Variants in CUX2 observed in about 807,000 individuals in gnomAD.
The protein encoded by CUX2 is cut like homeobox 2.
In CUX2, 40 loss-of-function variants were observed where a neutral mutation model predicts 144.8. The ratio of observed to expected loss-of-function variants is 0.28; its 90% CI spans 0.21 to 0.36. The LOEUF (loss-of-function observed/expected upper bound fraction) is 0.36, where lower values mean the gene tolerates loss of function less well. Among genes scored for constraint, CUX2 ranks in the 10% least tolerant of loss-of-function variants. The pLI, the probability that CUX2 is intolerant of heterozygous loss-of-function variation, is 1.00. For synonymous variants in CUX2, 827 were observed against 875.6 expected (o/e 0.94, Z 0.98); for missense variants, 1,615 against 1,994.0 (o/e 0.81, Z 3.62).
In CUX2 at chr12:111,304,042, G is replaced by A; in HGVS notation, c.754-168G>A. The A allele has an allele frequency of 1.7e-6, 1 of 583,158 alleles. No homozygotes were observed. The allele number at this position is 583,158 out of a possible 1,614,324, so 36.1% of individuals were successfully genotyped here. On this transcript the variant is annotated intron_variant, in intron 9 of 21. Transcript: ENST00000261726. This position sits in a 1 kb window ranked among gnomAD's most constrained non-coding sequence, Gnocchi z 4.7. Reference sequence around the variant, plus strand: ...TATTTCTTGTCCCCAGCCCAGACAGGGCTCTGTGACTGGTCTTCATAGCTC... The same window carrying A: ...TATTTCTTGTCCCCAGCCCAGACAGAGCTCTGTGACTGGTCTTCATAGCTC...
chr12:111,218,811 A>G (rs966340957), intron 3 of CUX2, among the ~76,000 whole-genome samples: 3 of 152,190 alleles, frequency 2.0e-5, no homozygotes, highest in African/African-American at 7.2e-5. Flanking sequence ...TGTCCTCAGT[A>G]AATAATTTCT....
At chr12:111,112,876 T>C (rs1407194113) in intron 1 of CUX2, among the ~76,000 whole-genome samples, 1 of 152,232 alleles carries the variant, frequency 6.6e-6, no homozygotes. Flanking sequence ...TACTGGGTCA[T>C]TGGACAGCAC....
At chr12:111,200,053 TC>T (rs1305867630) in intron 1 of CUX2, among the ~76,000 whole-genome samples, 2 of 152,188 alleles carry the variant, frequency 1.3e-5, no homozygotes, top group African/African-American at 4.8e-5. Context: ...GATAAAAGTC[TC>T]CTCGGGTTGC....
intron 1 of CUX2, among the ~76,000 whole-genome samples, chr12:111,197,835 G>T (rs1160106306): frequency 6.6e-6 from 1 of 152,188 alleles, no homozygotes; most frequent in East Asian, 1.9e-4. Context: ...CCCAAAATGT[G>T]CATGGGTTTA....
intron 1 of CUX2, among the ~76,000 whole-genome samples, chr12:111,126,980 C>A (rs1466018109): frequency 6.6e-6 from 1 of 152,108 alleles, no homozygotes; most frequent in Non-Finnish European, 1.5e-5. Flanking sequence ...TCCTTGATAC[C>A]CTACAGCTTA....
chr12:111,172,501 T>C (rs558863980), intron 1 of CUX2, among the ~76,000 whole-genome samples: 16 of 152,292 alleles, frequency 1.1e-4, no homozygotes, highest in African/African-American at 3.8e-4. Flanking sequence ...CTGCTTGTGG[T>C]GCTGGCCAAC....
chr12:111,064,529 T>C (rs1870942818), intron 1 of CUX2, among the ~76,000 whole-genome samples: 1 of 152,220 alleles, frequency 6.6e-6, no homozygotes, highest in Non-Finnish European at 1.5e-5. Flanking sequence ...GGCTTTGATT[T>C]TGAGAATCTG....
chr12:111,125,267 C>T (rs1231947239), intron 1 of CUX2, among the ~76,000 whole-genome samples: 1 of 151,878 alleles, frequency 6.6e-6, no homozygotes, highest in Non-Finnish European at 1.5e-5. Context: ...GCAACCTCCG[C>T]CTCTTGGGTT....
At chr12:111,251,017 A>G (rs1883534877) in intron 3 of CUX2, among the ~76,000 whole-genome samples, 1 of 152,086 alleles carries the variant, frequency 6.6e-6, no homozygotes, top group Non-Finnish European at 1.5e-5. Flanking sequence ...TATTTTTTTT[A>G]ATACCCAAAA....
intron 1 of CUX2, among the ~76,000 whole-genome samples, chr12:111,197,340 T>C (rs1880301585): frequency 6.6e-6 from 1 of 152,178 alleles, no homozygotes. Context: ...CAGGACTGGA[T>C]CAATGCCATG....
At chr12:111,116,737 A>T (rs1874328400) in intron 1 of CUX2, among the ~76,000 whole-genome samples, 1 of 152,208 alleles carries the variant, frequency 6.6e-6, no homozygotes, top group African/African-American at 2.4e-5. Flanking sequence ...AACAAAACAG[A>T]AACTCAATTG....
chr12:111,294,220 G>C (rs889540345), intron 6 of CUX2, among the ~76,000 whole-genome samples: 2 of 152,172 alleles, frequency 1.3e-5, no homozygotes, highest in Non-Finnish European at 1.5e-5. Context: ...CAATTCTCCT[G>C]CCTCAGCCTC....
At chr12:111,146,277 T>G (rs1239170612) in intron 1 of CUX2, among the ~76,000 whole-genome samples, 2 of 152,236 alleles carry the variant, frequency 1.3e-5, no homozygotes, top group African/African-American at 4.8e-5. Context: ...ACGACGTGGC[T>G]CCACCATTGT....
intron 1 of CUX2, among the ~76,000 whole-genome samples, chr12:111,083,548 T>C (rs1284486108): frequency 1.3e-5 from 2 of 151,680 alleles, no homozygotes; most frequent in Admixed American, 6.6e-5. Context: ...ATGGGGTGGG[T>C]GTTGCTGAGT....
chr12:111,044,287 G>T lies in CUX2; in HGVS notation c.63+10047G>T, dbSNP rs116123283. 3.4e-3 allele frequency among the ~76,000 whole-genome samples: 518 copies of T among 152,202 alleles called. 3 individuals are homozygous for T. Among genetic ancestry groups the T allele is most frequent in the African/African-American group, 0.012 (502 of 41,510 alleles). ...CGCTGTCATGTCTTGGGGGAGGCTG[G>T]GGAGCTGTCACTCCCAGCACTGTCT... On this transcript the variant is annotated intron_variant, in intron 1 of 21. Coordinates refer to ENST00000261726, the MANE Select transcript of CUX2 (RefSeq NM_015267.4).
In CUX2 at chr12:111,178,760, A is replaced by G. The variant is rs1486933670; in HGVS notation, c.64-35440A>G. Among the ~76,000 whole-genome samples, 2 of 152,164 alleles carry G rather than the reference A, an allele frequency of 1.3e-5. No individual in the cohort carries two copies. The highest frequency in any genetic ancestry group is 2.1e-4 in the South Asian group (1 of 4,828). ...GGATGGCCGTTTGGAATGAAGTCCA[A>G]TGATTTATGCCTGTGATGAGGGCTC... is the stretch of plus-strand genomic sequence containing the variant. On this transcript the variant is annotated intron_variant, in intron 1 of 21. Coordinates refer to ENST00000261726, the MANE Select transcript of CUX2 (RefSeq NM_015267.4). The surrounding 1 kb of genome is among the most constrained non-coding windows in gnomAD (Gnocchi z 5.7).
At chr12:111,041,243 G>A (rs1216968043) in intron 1 of CUX2, among the ~76,000 whole-genome samples, 1 of 152,246 alleles carries the variant, frequency 6.6e-6, no homozygotes, top group African/African-American at 2.4e-5. Context: ...CTTTGAACAT[G>A]AAAGTGTTTA....
intron 1 of CUX2, among the ~76,000 whole-genome samples, chr12:111,086,000 A>C (rs1252716643): frequency 6.6e-6 from 1 of 152,224 alleles, no homozygotes; most frequent in African/African-American, 2.4e-5. Context: ...GATGTAGCTG[A>C]TGGAGAAGCT....
In CUX2 at chr12:111,295,322, T is replaced by C. The variant is rs1405320713; in HGVS notation, c.561-11T>C. On this transcript the variant is annotated splice_polypyrimidine_tract_variant and intron_variant, in intron 6 of 21. Coordinates refer to ENST00000261726, the MANE Select transcript of CUX2 (RefSeq NM_015267.4). This position sits in a 1 kb window ranked among gnomAD's most constrained non-coding sequence, Gnocchi z 5.0. ...CTGCAGCCAGCACAAGCAGGCCTCGTCTCTCCGCAGGGGCCTTCAAGAAGT... is the reference window on the plus strand; with the variant it reads ...CTGCAGCCAGCACAAGCAGGCCTCGCCTCTCCGCAGGGGCCTTCAAGAAGT... The C allele has an allele frequency of 3.7e-6, 6 of 1,610,938 alleles. No individual in the cohort carries two copies. The highest frequency in any genetic ancestry group is 5.1e-6 in the Non-Finnish European group (6 of 1,178,810).
Sources: gnomAD v4.1 joint callset for allele counts (sites outside exome capture counted in the v4.1 genomes callset) on GRCh38, gnomAD v4.1.1 for gene constraint, Gnocchi (gnomAD v3.1) non-coding constraint, MANE v1.5 for transcripts, NCBI Gene and HGNC (gene_info 2026-07-23, HGNC 2026-07-21) for gene names.